CACNA2D1: variants seen among roughly 807,000 people sequenced by gnomAD.
CACNA2D1 encodes the protein calcium voltage-gated channel auxiliary subunit alpha2delta 1.
A neutral mutation model predicts 171.5 loss-of-function variants in CACNA2D1; 53 were observed. That is an observed-to-expected ratio of 0.31 (90% CI 0.25 to 0.39). The LOEUF is 0.39. CACNA2D1 is among the 10% of genes least tolerant of loss of function. CACNA2D1 has a pLI of 1.00. For synonymous variants in CACNA2D1, 442 were observed against 443.1 expected, an observed-to-expected ratio of 1.00 and a Z score of 0.03; for missense variants, 903 against 1,299.8, an observed-to-expected ratio of 0.69 and a Z score of 4.69.
At chr7:82,279,078 G>A (rs2129368958) in intron 3 of CACNA2D1, among the ~76,000 whole-genome samples, 1 of 152,212 alleles carries the variant, frequency 6.6e-6, no homozygotes, top group Admixed American at 6.5e-5. Context: ...CAGTGCCAAG[G>A]TTTTCTCTTC....
intron 4 of CACNA2D1, among the ~76,000 whole-genome samples, chr7:82,160,973 T>G (rs2129132060): frequency 6.6e-6 from 1 of 152,134 alleles, no homozygotes; most frequent in South Asian, 2.1e-4. Context: ...AGCTATACAT[T>G]TACTTAATAT....
At chr7:82,197,073 T>G (rs576853078) in intron 3 of CACNA2D1, among the ~76,000 whole-genome samples, 10 of 152,120 alleles carry the variant, frequency 6.6e-5, no homozygotes, top group African/African-American at 2.2e-4. Context: ...TTAAGCATGT[T>G]GCTATCAAAT....
At chr7:82,411,427 T>C (rs1827645157) in intron 1 of CACNA2D1, among the ~76,000 whole-genome samples, 1 of 152,146 alleles carries the variant, frequency 6.6e-6, no homozygotes, top group Non-Finnish European at 1.5e-5. Context: ...AATTAAATAA[T>C]ATAAGCAAAA....
At chr7:82,422,821 C>T (rs1195803280) in intron 1 of CACNA2D1, among the ~76,000 whole-genome samples, 1 of 151,968 alleles carries the variant, frequency 6.6e-6, no homozygotes, top group East Asian at 1.9e-4. Context: ...CACAGAACAT[C>T]ATTGGCAACA....
At chr7:82,003,612 GATATATAT>G (rs969213412) in intron 18 of CACNA2D1, among the ~76,000 whole-genome samples, 1 of 149,186 alleles carries the variant, frequency 6.7e-6, no homozygotes, top group Non-Finnish European at 1.5e-5. Flanking sequence ...TAGATATATA[GATATATAT>G]ATATAAATCA....
Position 82,304,005 on chromosome 7 carries a change from A to T in CACNA2D1, c.294+31130T>A, listed in dbSNP as rs367835620. Among the ~76,000 whole-genome samples the T allele has an allele frequency of 1.1e-3, 160 of 152,268 alleles. 3 individuals carry two copies. In the South Asian group the frequency reaches 0.033, roughly 31 times the overall value. ...CAAGGATATATAAGGAACTCAAACA[A>T]TTCAACAGTTAAAAAATGGGCAGAG... is the stretch of plus-strand genomic sequence containing the variant. On this transcript the variant is annotated intron_variant, in intron 3 of 38. Coordinates refer to ENST00000356860, the MANE Select transcript of CACNA2D1 (RefSeq NM_000722.4).
intron 2 of CACNA2D1, among the ~76,000 whole-genome samples, chr7:82,337,865 T>C (rs1210958799): frequency 1.3e-5 from 2 of 152,182 alleles, no homozygotes; most frequent in Non-Finnish European, 2.9e-5. Context: ...GACATAAGTC[T>C]TAACAAAAAG....
At chr7:82,315,118 C>CA (rs1410703736) in intron 3 of CACNA2D1, among the ~76,000 whole-genome samples, 3 of 151,504 alleles carry the variant, frequency 2.0e-5, no homozygotes, top group Admixed American at 1.3e-4. Flanking sequence ...GCCTGGGTGA[C>CA]AGAGTCTCAA....
At chr7:82,000,215 C>T (rs928148096) in intron 18 of CACNA2D1, among the ~76,000 whole-genome samples, 2 of 151,988 alleles carry the variant, frequency 1.3e-5, no homozygotes, top group Non-Finnish European at 2.9e-5. Context: ...GCCGAGATTG[C>T]GCCACTGCAC....
At chr7:82,009,024 T>C (rs1799442170) in intron 15 of CACNA2D1, among the ~76,000 whole-genome samples, 1 of 152,170 alleles carries the variant, frequency 6.6e-6, no homozygotes, top group South Asian at 2.1e-4. Flanking sequence ...ACAAATCTCA[T>C]CTTCAGTTGT....
intron 4 of CACNA2D1, among the ~76,000 whole-genome samples, chr7:82,138,587 C>CA (rs1161892026): frequency 6.6e-6 from 1 of 151,728 alleles, no homozygotes; most frequent in Non-Finnish European, 1.5e-5. Context: ...GCTGGGACTA[C>CA]AGGCGCCCGC....
chr7:82,420,415 AT>A (rs1344009169), intron 1 of CACNA2D1, among the ~76,000 whole-genome samples: 3 of 152,228 alleles, frequency 2.0e-5, no homozygotes, highest in Non-Finnish European at 2.9e-5. Flanking sequence ...TGTAATGTTA[AT>A]TGAGGATTCC....
chr7:82,283,742 T>C (rs1810414624), intron 3 of CACNA2D1, among the ~76,000 whole-genome samples: 1 of 152,182 alleles, frequency 6.6e-6, no homozygotes, highest in South Asian at 2.1e-4. Flanking sequence ...ATAGCATTAA[T>C]GCATGTAACT....
intron 28 of CACNA2D1, among the ~76,000 whole-genome samples, chr7:81,969,521 T>G (rs956522788): frequency 6.6e-5 from 10 of 151,366 alleles, no homozygotes; most frequent in African/African-American, 2.2e-4. Context: ...TTATATTTTA[T>G]AATACTGATA....
At chr7:82,435,017 C>T (rs967293480) in intron 1 of CACNA2D1, among the ~76,000 whole-genome samples, 26 of 149,172 alleles carry the variant, frequency 1.7e-4, no homozygotes, top group Non-Finnish European at 3.6e-4. Context: ...TGTCTCCAAA[C>T]TCTCTTCAGA....
chr7:81,993,628 A>T (rs1322567861), intron 20 of CACNA2D1, among the ~76,000 whole-genome samples: 1 of 152,164 alleles, frequency 6.6e-6, no homozygotes, highest in East Asian at 1.9e-4. Flanking sequence ...GTGAATAGTG[A>T]TAAAAATTAT....
At chr7:82,258,645 C>CA (rs1806602082) in intron 3 of CACNA2D1, among the ~76,000 whole-genome samples, 1 of 152,076 alleles carries the variant, frequency 6.6e-6, no homozygotes, top group South Asian at 2.1e-4. Context: ...AAGCTCTTTT[C>CA]AAAGTATTTA....
intron 17 of CACNA2D1, 132 bp downstream of exon 17, chr7:82,005,633 A>G: frequency 1.1e-6 from 1 of 876,330 alleles, no homozygotes; most frequent in Non-Finnish European, 1.9e-6. Flanking sequence ...TTTATTTTAG[A>G]GATGCTTTTA....
At chr7:82,212,719 C>A (rs1800694726) in intron 3 of CACNA2D1, among the ~76,000 whole-genome samples, 1 of 152,142 alleles carries the variant, frequency 6.6e-6, no homozygotes, top group Non-Finnish European at 1.5e-5. Context: ...GTTTATGTTA[C>A]AATACATTTT....
Sources: gnomAD v4.1 joint callset for allele counts (sites outside exome capture counted in the v4.1 genomes callset) on GRCh38, gnomAD v4.1.1 for gene constraint, MANE v1.5 for transcripts, NCBI Gene and HGNC (gene_info 2026-07-23, HGNC 2026-07-21) for gene names.